PPP1R9A: variants seen among roughly 807,000 people sequenced by gnomAD.
PPP1R9A encodes the protein neurabin-1.
PPP1R9A carries 59 observed loss-of-function variants against 141.9 expected under a neutral mutation model. That is an observed-to-expected ratio of 0.42 (90% CI 0.34 to 0.52). The LOEUF (loss-of-function observed/expected upper bound fraction) is 0.52, where lower values mean the gene tolerates loss of function less well. Ranked by LOEUF, PPP1R9A falls within the 20% of genes least tolerant of loss-of-function variation. The probability of loss-of-function intolerance (pLI) is 0.10; values close to 1 mark genes in which losing one functional copy is unlikely to be tolerated. For synonymous variants in PPP1R9A, 500 were observed against 569.7 expected, an observed-to-expected ratio of 0.88 and a Z score of 1.74; for missense variants, 1,444 against 1,611.9, an observed-to-expected ratio of 0.90 and a Z score of 1.78.
intron 2 of PPP1R9A, among the ~76,000 whole-genome samples, chr7:94,970,515 C>T (rs1798743860): frequency 6.6e-6 from 1 of 152,124 alleles, no homozygotes; most frequent in South Asian, 2.1e-4. Context: ...TCTAACCAGT[C>T]CCAATGAGAT....
intron 4 of PPP1R9A, among the ~76,000 whole-genome samples, chr7:95,142,700 T>C (rs1166215014): frequency 6.6e-6 from 1 of 152,034 alleles, no homozygotes; most frequent in Non-Finnish European, 1.5e-5. Context: ...ACAAGATTAA[T>C]TTTTTTAATG....
At chr7:95,072,360 AT>A (rs1813958203) in intron 2 of PPP1R9A, among the ~76,000 whole-genome samples, 2 of 144,112 alleles carry the variant, frequency 1.4e-5, no homozygotes, top group African/African-American at 5.0e-5. Context: ...TTATTATATA[AT>A]ATTATTATTT....
intron 12 of PPP1R9A, among the ~76,000 whole-genome samples, chr7:95,267,360 A>T (rs1039119104): frequency 2.0e-5 from 3 of 152,142 alleles, no homozygotes; most frequent in African/African-American, 7.2e-5. Flanking sequence ...CTCCTTGAAC[A>T]TGACTTCAGC....
chr7:95,193,809 A>G (rs1285365069), intron 5 of PPP1R9A, among the ~76,000 whole-genome samples: 1 of 152,110 alleles, frequency 6.6e-6, no homozygotes, highest in Non-Finnish European at 1.5e-5. Flanking sequence ...ATCTTTGGCT[A>G]GCAGATAATT....
chr7:94,971,291 C>G (rs998804582), intron 2 of PPP1R9A, among the ~76,000 whole-genome samples: 7 of 152,004 alleles, frequency 4.6e-5, no homozygotes, highest in Non-Finnish European at 5.9e-5. Context: ...AGGTAGTCAG[C>G]CAAGTGTATT....
chr7:95,082,766 C>CTTTT (rs1159814204), intron 2 of PPP1R9A, among the ~76,000 whole-genome samples: 18 of 109,506 alleles, frequency 1.6e-4, no homozygotes, highest in South Asian at 7.4e-4. Flanking sequence ...GAAGGGATTT[C>CTTTT]TTTTTTTTTT....
intron 2 of PPP1R9A, among the ~76,000 whole-genome samples, chr7:95,092,031 C>T (rs1208489927): frequency 1.3e-5 from 2 of 152,122 alleles, no homozygotes; most frequent in Non-Finnish European, 2.9e-5. Flanking sequence ...AGAAGAATCA[C>T]TCGATGGTAG....
chr7:95,113,094 T>C (rs1029931722), intron 3 of PPP1R9A, among the ~76,000 whole-genome samples: 17 of 152,172 alleles, frequency 1.1e-4, no homozygotes, highest in South Asian at 2.1e-4. Flanking sequence ...AAAAAAGACG[T>C]TCTTGAGCAA....
At position 95,289,983 on chromosome 7, in the gene PPP1R9A, C is replaced by G. The variant is rs991582215; in HGVS notation, c.3913-108C>G. The stretch of plus-strand genomic sequence containing the variant: ...GTAACTAGTTCTTCCTCTGTTCTTA[C>G]CTCTTCAATGTTTGAATTAGTTTAC... On this transcript the variant is annotated intron_variant, in intron 19 of 19. Coordinates refer to ENST00000433360, the MANE Select transcript of PPP1R9A (RefSeq NM_001166160.2). The G allele has an allele frequency of 1.4e-5, 21 of 1,499,852 alleles. No individual in the cohort carries two copies. In the South Asian group the frequency reaches 2.5e-4, roughly 18 times the overall value. 92.9% of individuals were successfully genotyped at this position (1,499,852 alleles called of 1,614,324 possible). A position where few individuals can be genotyped will look rare whatever the true frequency, so the allele number is the denominator to read the frequency against.
At chr7:94,952,906 T>C (rs1021089995) in intron 2 of PPP1R9A, among the ~76,000 whole-genome samples, 17 of 152,208 alleles carry the variant, frequency 1.1e-4, no homozygotes, top group Non-Finnish European at 2.5e-4. Context: ...ATTCTGTAGG[T>C]TGCCTGTTCA....
At chr7:95,051,974 G>A (rs1810876162) in intron 2 of PPP1R9A, among the ~76,000 whole-genome samples, 1 of 151,780 alleles carries the variant, frequency 6.6e-6, no homozygotes, top group Non-Finnish European at 1.5e-5. Context: ...TGAGTAGCTG[G>A]GATTACAGGT....
intron 4 of PPP1R9A, chr7:95,156,991 G>C (rs929216130): frequency 1.3e-5 from 2 of 152,500 alleles, no homozygotes. Context: ...TCCATGGGCA[G>C]CCATGGGCAG....
intron 4 of PPP1R9A, among the ~76,000 whole-genome samples, chr7:95,129,545 GA>G (rs1824203851): frequency 2.6e-5 from 4 of 152,184 alleles, no homozygotes; most frequent in Admixed American, 2.0e-4. Context: ...GGGTATTGCT[GA>G]AAAGACACCT....
intron 2 of PPP1R9A, among the ~76,000 whole-genome samples, chr7:95,022,803 C>A (rs1451194270): frequency 6.6e-6 from 1 of 152,000 alleles, no homozygotes; most frequent in East Asian, 1.9e-4. Context: ...GTATGTTGAA[C>A]CAGACTTGCA....
chr7:95,022,317 A>AT (rs1391022461), intron 2 of PPP1R9A, among the ~76,000 whole-genome samples: 1 of 152,040 alleles, frequency 6.6e-6, no homozygotes, highest in Non-Finnish European at 1.5e-5. Context: ...TTGCAACTTG[A>AT]TTTTTTTATC....
intron 2 of PPP1R9A, chr7:95,036,033 A>G (rs990207552): frequency 1.3e-5 from 2 of 152,216 alleles, no homozygotes; most frequent in African/African-American, 4.8e-5. Context: ...TCTGCAGTAT[A>G]CTTCGGCTCT....
intron 2 of PPP1R9A, among the ~76,000 whole-genome samples, chr7:95,087,509 A>T (rs1160818671): frequency 6.6e-6 from 1 of 152,008 alleles, no homozygotes; most frequent in African/African-American, 2.4e-5. Flanking sequence ...ACTCCCTCTG[A>T]TGGGGAAAAA....
In PPP1R9A at chr7:94,911,329, G is replaced by A. The variant is rs1178164595; in HGVS notation, c.1216G>A (p.Val406Met). The A allele has an allele frequency of 6.2e-7, 1 of 1,614,130 alleles. No homozygotes were observed. Among genetic ancestry groups the A allele is most frequent in the Admixed American group, 1.7e-5 (1 of 60,020 alleles). ...YMHSDYNVYR[V>M]RSRYNSDWGE... ...GCACAGTGACTATAATGTGTATAGG[G>A]TGAGATCCAGGTATAATTCAGACTG... The change falls in exon 2 of 20, where the codon GTG becomes ATG. Residue 406 changes from valine to methionine, a missense_variant. Physicochemically the swap from Val to Met is conservative, Grantham distance 21 (BLOSUM62 1). Coordinates refer to ENST00000433360, the MANE Select transcript of PPP1R9A (RefSeq NM_001166160.2).
chr7:95,041,444 A>G (rs916849308), intron 2 of PPP1R9A, among the ~76,000 whole-genome samples: 1 of 152,192 alleles, frequency 6.6e-6, no homozygotes. Context: ...ATTTGTTATC[A>G]TATTTCATCT....
Sources: allele counts gnomAD v4.1 joint callset (sites outside exome capture counted in the v4.1 genomes callset), GRCh38; gene constraint gnomAD v4.1.1; transcripts MANE v1.5; gene names NCBI Gene and HGNC (gene_info 2026-07-23, HGNC 2026-07-21).